Variants in PTPRO observed in about 807,000 individuals in gnomAD.
PTPRO encodes the protein receptor-type tyrosine-protein phosphatase O.
A neutral mutation model predicts 145.2 loss-of-function variants in PTPRO; 62 were observed. That is an observed-to-expected ratio of 0.43 (90% confidence interval 0.35 to 0.53). The LOEUF (loss-of-function observed/expected upper bound fraction) is 0.53, where lower values mean the gene tolerates loss of function less well. PTPRO is among the 20% of genes least tolerant of loss of function. The probability of loss-of-function intolerance (pLI) is 0.01; values close to 1 mark genes in which losing one functional copy is unlikely to be tolerated. For missense variants in PTPRO, 1,345 were observed against 1,482.7 expected, an observed-to-expected ratio of 0.91 and a Z score of 1.53; for synonymous variants, 565 against 514.7, an observed-to-expected ratio of 1.10 and a Z score of -1.32.
At chr12:15,588,292 A>G (rs1291202458) in intron 24 of PTPRO, among the ~76,000 whole-genome samples, 2 of 152,190 alleles carry the variant, frequency 1.3e-5, no homozygotes, top group Non-Finnish European at 2.9e-5. Context: ...CTTAAACTCA[A>G]GGTTTATAGA....
intron 1 of PTPRO, among the ~76,000 whole-genome samples, chr12:15,472,971 C>T (rs956680606): frequency 3.9e-5 from 6 of 152,186 alleles, no homozygotes; most frequent in Non-Finnish European, 7.3e-5. Flanking sequence ...GATGGCCTGG[C>T]TTAGTCCACA....
intron 1 of PTPRO, among the ~76,000 whole-genome samples, chr12:15,423,266 A>C (rs1019555490): frequency 6.6e-6 from 1 of 152,146 alleles, no homozygotes; most frequent in Non-Finnish European, 1.5e-5. Context: ...TGGCTGGGGA[A>C]AGACTCTCTG....
chr12:15,335,447 A>G (rs1866732091), intron 1 of PTPRO, among the ~76,000 whole-genome samples: 1 of 152,106 alleles, frequency 6.6e-6, no homozygotes, highest in Non-Finnish European at 1.5e-5. Flanking sequence ...CATAGTGAGG[A>G]GATGTGCCCA....
chr12:15,415,659 A>G (rs1939950291), intron 1 of PTPRO, among the ~76,000 whole-genome samples: 1 of 151,830 alleles, frequency 6.6e-6, no homozygotes, highest in African/African-American at 2.4e-5. Context: ...TGCTGGGATT[A>G]CAGGCGTGAG....
Position 15,546,304 on chromosome 12 carries a change from A to C in PTPRO, c.2165-265A>C, listed in dbSNP as rs1943287083. 9 of 1,267,876 alleles carry C rather than the reference A, an allele frequency of 7.1e-6. No homozygotes were observed. In the South Asian group the frequency reaches 1.2e-4, roughly 16 times the overall value. The allele number at this position is 1,267,876 out of a possible 1,614,324, so 78.5% of individuals were successfully genotyped here. On this transcript the variant is annotated intron_variant, in intron 12 of 26. Coordinates refer to ENST00000281171, the MANE Select transcript of PTPRO (RefSeq NM_030667.3). ...ATGACACAGAAACTATTAATAGATTATGACTATGATGAAACTGAAGTAGAA... is the reference window on the plus strand; with the variant it reads ...ATGACACAGAAACTATTAATAGATTCTGACTATGATGAAACTGAAGTAGAA...
chr12:15,583,079 C>G (rs1224415790), intron 23 of PTPRO, among the ~76,000 whole-genome samples: 1 of 152,204 alleles, frequency 6.6e-6, no homozygotes, highest in Non-Finnish European at 1.5e-5. Flanking sequence ...TAGAAACAAT[C>G]CTTTCTAATA....
chr12:15,452,441 T>C (rs557293560), intron 1 of PTPRO, among the ~76,000 whole-genome samples: 3 of 152,142 alleles, frequency 2.0e-5, no homozygotes, highest in South Asian at 2.1e-4. Flanking sequence ...ACCAATCCTG[T>C]TGACACTATT....
chr12:15,564,467 C>G (rs773555219), intron 17 of PTPRO, among the ~76,000 whole-genome samples: 7 of 152,186 alleles, frequency 4.6e-5, no homozygotes, highest in Non-Finnish European at 1.0e-4. Flanking sequence ...TAACTATGCT[C>G]AGCCCTGGGG....
chr12:15,521,360 C>G (rs1441089441), intron 10 of PTPRO, among the ~76,000 whole-genome samples: 1 of 152,116 alleles, frequency 6.6e-6, no homozygotes, highest in African/African-American at 2.4e-5. Flanking sequence ...AATATTAGAG[C>G]AGAAAACTGA....
chr12:15,401,581 G>C (rs967660769), intron 1 of PTPRO, among the ~76,000 whole-genome samples: 2 of 152,150 alleles, frequency 1.3e-5, no homozygotes, highest in Non-Finnish European at 2.9e-5. Context: ...ACACAACCAA[G>C]AATGACAAAT....
chr12:15,381,392 C>G (rs561683783), intron 1 of PTPRO, among the ~76,000 whole-genome samples: 1 of 152,260 alleles, frequency 6.6e-6, no homozygotes, highest in East Asian at 1.9e-4. Context: ...CGACCAGAAG[C>G]GTATCTCCAT....
intron 25 of PTPRO, among the ~76,000 whole-genome samples, chr12:15,592,169 G>A (rs1013919436): frequency 1.3e-5 from 2 of 151,450 alleles, no homozygotes; most frequent in African/African-American, 2.4e-5. Context: ...GGTTCATCCC[G>A]TATTTTGAAT....
At chr12:15,442,204 A>G (rs1372898873) in intron 1 of PTPRO, among the ~76,000 whole-genome samples, 2 of 152,192 alleles carry the variant, frequency 1.3e-5, no homozygotes, top group African/African-American at 4.8e-5. Context: ...ATGTACACAA[A>G]TCAATAAATG....
chr12:15,589,845 A>G (rs1944509986), intron 25 of PTPRO, among the ~76,000 whole-genome samples: 2 of 152,208 alleles, frequency 1.3e-5, no homozygotes, highest in Admixed American at 1.3e-4. Flanking sequence ...GTAAGAGTAA[A>G]ACCTCTTTGA....
intron 25 of PTPRO, among the ~76,000 whole-genome samples, chr12:15,590,972 T>G (rs1397704075): frequency 6.6e-6 from 1 of 152,196 alleles, no homozygotes; most frequent in African/African-American, 2.4e-5. Flanking sequence ...ATCCACGTTA[T>G]GTATATGAAT....
In PTPRO at chr12:15,497,332, A is replaced by T. The variant is rs1942127624; in HGVS notation, c.437A>T (p.Lys146Ile). 2.5e-6 allele frequency: 4 copies of T among 1,610,056 alleles called. No individual in the cohort carries two copies. The highest frequency in any genetic ancestry group is 3.4e-6 in the Non-Finnish European group (4 of 1,176,596). Residue 146 changes from lysine (K) to isoleucine (I), a missense_variant, in exon 3 of 27, where the codon AAA (lysine) becomes ATA (isoleucine). This residue lies in a region of PTPRO where 1,130 missense variants were observed against 1,214.7 expected (regional missense o/e 0.93). Transcript: ENST00000281171. Reference protein sequence around the residue: ...GVLFEIHYPEKYNVFTRVNIS... With the variant: ...GVLFEIHYPEIYNVFTRVNIS... The stretch of plus-strand genomic sequence containing the variant: ...CTGTTTGAAATACATTATCCAGAAA[A>T]ATATAACGTTTTCACAAGAGTGAAC...
intron 1 of PTPRO, among the ~76,000 whole-genome samples, chr12:15,376,807 C>T (rs1938702451): frequency 6.6e-6 from 1 of 152,184 alleles, no homozygotes; most frequent in Non-Finnish European, 1.5e-5. Flanking sequence ...GCTCCACTCT[C>T]ATAACCTAAT....
intron 1 of PTPRO, among the ~76,000 whole-genome samples, chr12:15,428,599 A>G (rs1940348237): frequency 6.6e-6 from 1 of 152,202 alleles, no homozygotes; most frequent in South Asian, 2.1e-4. Flanking sequence ...CAAGAAATCT[A>G]AAGATGGAAA....
At chr12:15,491,238 G>A (rs1389434255) in intron 2 of PTPRO, among the ~76,000 whole-genome samples, 1 of 152,176 alleles carries the variant, frequency 6.6e-6, no homozygotes, top group Non-Finnish European at 1.5e-5. Flanking sequence ...TGCCAGAAGA[G>A]ACACATTCTT....
Sources: gnomAD v4.1 joint callset for allele counts (sites outside exome capture counted in the v4.1 genomes callset) on GRCh38, gnomAD v4.1.1 for gene constraint, gnomAD v4.1.1 regional missense constraint, MANE v1.5 for transcripts, NCBI Gene and HGNC (gene_info 2026-07-23, HGNC 2026-07-21) for gene names.